Variants in ZFP36L1 observed in about 807,000 individuals in gnomAD.
ZFP36L1 encodes mRNA decay activator protein ZFP36L1.
Under a neutral mutation model 16.7 loss-of-function variants are expected in ZFP36L1, and 4 were observed. The observed-to-expected ratio is 0.24, with a 90% CI of 0.12 to 0.55. ZFP36L1 has a LOEUF of 0.55. ZFP36L1 is among the 20% of genes least tolerant of loss of function. The pLI is 0.94. For missense variants in ZFP36L1, 311 were observed against 449.2 expected (o/e 0.69, Z 2.78); for synonymous variants, 220 against 190.8 (o/e 1.15, Z -1.26).
intron 1 of ZFP36L1, among the ~76,000 whole-genome samples, chr14:68,792,311 A>C (rs575555062): frequency 6.6e-6 from 1 of 152,194 alleles, no homozygotes; most frequent in Admixed American, 6.5e-5. Flanking sequence ...AAGAAGCCCA[A>C]CGGAGCTAGG....
intron 1 of ZFP36L1, 58 bp downstream of exon 1, chr14:68,792,821 GTTC>G (rs1485012644): frequency 5.6e-6 from 9 of 1,609,768 alleles, no homozygotes; most frequent in Non-Finnish European, 6.8e-6. Flanking sequence ...ACTTTTGGGG[GTTC>G]TTTCTTAAGG....
In ZFP36L1 at chr14:68,789,746, C is replaced by A. The variant is rs202040968; in HGVS notation, c.804G>T (p.Leu268=). Residue 268 remains leucine, a synonymous_variant, in exon 2 of 2, where the codon CTG becomes CTT. Coordinates refer to ENST00000439696, the MANE Select transcript of ZFP36L1 (RefSeq NM_004926.4). This position sits in a 1 kb window ranked among gnomAD's most constrained non-coding sequence, Gnocchi z 4.5. The part of the protein sequence containing the change: ...LASLFAPSMG[L]PGGGSPTTFL... ...AGGTGGTCGGGGAGCCACCCCCGGG[C>A]AGCCCCATGCTAGGGGCAAAGAGGC... 2 of 1,614,060 alleles carry A rather than the reference C, an allele frequency of 1.2e-6. No homozygotes were observed. The highest frequency in any genetic ancestry group is 3.3e-5 in the Admixed American group (2 of 60,026).
chr14:68,790,127 G>A lies in ZFP36L1; in HGVS notation c.423C>T (p.Ile141=). The part of the protein sequence containing the change: ...YGDKCQFAHG[I]HELRSLTRHP... ...GGCGGGTCAGGCTGCGGAGCTCGTG[G>A]ATGCCGTGTGCGAACTGGCACTTGT... The change falls in exon 2 of 2, where the codon ATC becomes ATT. Residue 141 remains isoleucine (I), a synonymous_variant. Transcript: ENST00000439696. The A allele has an allele frequency of 6.2e-7, 1 of 1,611,132 alleles. No homozygotes were observed. Among genetic ancestry groups the A allele is most frequent in the Non-Finnish European group, 8.5e-7 (1 of 1,178,092 alleles).
intron 1 of ZFP36L1, among the ~76,000 whole-genome samples, chr14:68,792,523 C>A (rs529381568): frequency 6.6e-6 from 1 of 152,136 alleles, no homozygotes; most frequent in African/African-American, 2.4e-5. Context: ...GACTGGGAAC[C>A]CGATCAGACC....
In ZFP36L1 at chr14:68,788,755, A is replaced by G. The variant is rs1894979585; in HGVS notation, c.*778T>C. On this transcript the variant is annotated 3_prime_UTR_variant, in exon 2 of 2. Transcript: ENST00000439696. Reference sequence around the variant, plus strand: ...AAAAAAAGAAAAAATTAAATCACAAAGTCCCACTTAAGTCAAAATCTTCGT... The same window carrying G: ...AAAAAAAGAAAAAATTAAATCACAAGGTCCCACTTAAGTCAAAATCTTCGT... The G allele has an allele frequency of 6.5e-6, 1 of 152,690 alleles. No homozygotes were observed. The highest frequency in any genetic ancestry group is 1.5e-5 in the Non-Finnish European group (1 of 68,030). 9.5% of individuals were successfully genotyped at this position (152,690 alleles called of 1,614,324 possible).
intron 1 of ZFP36L1, chr14:68,791,138 T>C (rs1163477081): frequency 1.4e-6 from 1 of 693,084 alleles, no homozygotes; most frequent in African/African-American, 1.8e-5. Context: ...TAAAACTCTT[T>C]GCCCTAAGTT....
chr14:68,789,073 C>CGCCATGGGCAGAGGCT lies in ZFP36L1; in HGVS notation c.*444_*459dup, dbSNP rs1455940265. On this transcript the variant is annotated 3_prime_UTR_variant, in exon 2 of 2. Transcript: ENST00000439696. The surrounding 1 kb of genome is among the most constrained non-coding windows in gnomAD (Gnocchi z 4.5). ...GGCTGCTGGTTCCGGGTCTCCACCC[C>CGCCATGGGCAGAGGCT]GCCATGGGCAGAGGCTCCGGGAGGC... 5.1e-5 allele frequency: 8 copies of CGCCATGGGCAGAGGCT among 157,780 alleles called. No homozygotes were observed. The highest frequency in any genetic ancestry group is 1.9e-4 in the African/African-American group (8 of 41,608). 9.8% of individuals were successfully genotyped at this position (157,780 alleles called of 1,614,324 possible).
rs1348893651 is a variant in ZFP36L1, at chr14:68,789,199, C to G, written c.*334G>C. 1 of 285,202 alleles carries G rather than the reference C, an allele frequency of 3.5e-6. No homozygotes were observed. Among genetic ancestry groups the G allele is most frequent in the Non-Finnish European group, 6.7e-6 (1 of 149,726 alleles). 17.7% of individuals were successfully genotyped at this position (285,202 alleles called of 1,614,324 possible). ...TCTGTAAACTGTTACTGCTTTTTCT[C>G]TTGTGATTTGGCACTTAAGGCTTAA... On this transcript the variant is annotated 3_prime_UTR_variant, in exon 2 of 2. Transcript: ENST00000439696. The surrounding 1 kb of genome is among the most constrained non-coding windows in gnomAD (Gnocchi z 4.5).
upstream of ZFP36L1, among the ~76,000 whole-genome samples, chr14:68,795,134 A>G (rs2140215082): frequency 6.6e-6 from 1 of 152,254 alleles, no homozygotes; most frequent in African/African-American, 2.4e-5. Flanking sequence ...TCCTTTCCCA[A>G]GTGGGTGTTG....
intron 1 of ZFP36L1, chr14:68,790,970 C>T: frequency 1.5e-6 from 1 of 685,456 alleles, no homozygotes; most frequent in Non-Finnish European, 2.7e-6. Context: ...ATTGATACCC[C>T]CTCCTTCAAG....
In ZFP36L1 at chr14:68,789,937, C is replaced by G. The variant is rs1215355662; in HGVS notation, c.613G>C (p.Ala205Pro). Residue 205 changes from alanine (A) to proline (P), a missense_variant, in exon 2 of 2, where the codon GCT (alanine) becomes CCT (proline). This residue lies in a region of ZFP36L1 where 147 missense variants were observed against 192.0 expected (regional missense o/e 0.77). Transcript: ENST00000439696. This position sits in a 1 kb window ranked among gnomAD's most constrained non-coding sequence, Gnocchi z 4.5. ...GTGGCAGCGGCACTGGGAAACCCAG[C>G]AAAGCTAAAGCTATGCTGGAGGCGG... ...RPRLQHSFSFAGFPSAAATAA... is the reference protein window; with the variant it reads ...RPRLQHSFSFPGFPSAAATAA... 2 of 1,609,850 alleles carry G rather than the reference C, an allele frequency of 1.2e-6. No homozygotes were observed. Among genetic ancestry groups the G allele is most frequent in the Non-Finnish European group, 1.7e-6 (2 of 1,179,382 alleles).
At chr14:68,791,072 A>G (rs2140210232) in intron 1 of ZFP36L1, 1 of 701,796 alleles carries the variant, frequency 1.4e-6, no homozygotes, top group South Asian at 1.5e-5. Flanking sequence ...TCTTGTGGGG[A>G]GGAGATTGGG....
chr14:68,795,296 C>T (rs1895219379), upstream of ZFP36L1, among the ~76,000 whole-genome samples: 1 of 152,040 alleles, frequency 6.6e-6, no homozygotes, highest in Admixed American at 6.5e-5. Context: ...GGCCTCCACC[C>T]ATTCCCGCTC....
Position 68,789,850 on chromosome 14 carries a change from C to T in ZFP36L1, c.700G>A (p.Ala234Thr). 1 of 1,611,034 alleles carries T rather than the reference C, an allele frequency of 6.2e-7. No individual in the cohort carries two copies. Among genetic ancestry groups the T allele is most frequent in the Non-Finnish European group, 8.5e-7 (1 of 1,179,988 alleles). Residue 234 changes from alanine to threonine, a missense_variant, in exon 2 of 2, where the codon GCC becomes ACC. Physicochemically the swap from Ala to Thr is moderately conservative, Grantham distance 58. This residue lies in a region of ZFP36L1 where 147 missense variants were observed against 192.0 expected (regional missense o/e 0.77). Coordinates refer to ENST00000439696, the MANE Select transcript of ZFP36L1 (RefSeq NM_004926.4). This position sits in a 1 kb window ranked among gnomAD's most constrained non-coding sequence, Gnocchi z 4.5. ...TSITPPPILSADDLLGSPTLP... is the reference protein window; with the variant it reads ...TSITPPPILSTDDLLGSPTLP... ...GTAGGTGAGCCCAGGAGGTCATCGG[C>T]GCTCAGAATAGGGGGTGGGGTGATG...
upstream of ZFP36L1, chr14:68,793,118 G>T: frequency 6.8e-7 from 1 of 1,465,780 alleles, no homozygotes; most frequent in Non-Finnish European, 9.0e-7. Context: ...TGGTGGGCCG[G>T]GGGGAGGAGG....
intron 1 of ZFP36L1, 130 bp downstream of exon 1, chr14:68,792,752 C>T (rs1594718403): frequency 6.1e-6 from 8 of 1,318,178 alleles, no homozygotes; most frequent in East Asian, 2.4e-5. Context: ...GGGAGAAATG[C>T]CGGAGGAGAA....
chr14:68,793,968 T>G (rs188630020), upstream of ZFP36L1: 6 of 980,010 alleles, frequency 6.1e-6, no homozygotes, highest in East Asian at 6.8e-4. Context: ...CCGGGACGAT[T>G]GTTTGTTTTA....
chr14:68,793,328 TTTTC>T, upstream of ZFP36L1: 2 of 1,010,390 alleles, frequency 2.0e-6, no homozygotes, highest in Non-Finnish European at 2.4e-6. Flanking sequence ...TTTTTTTTTT[TTTTC>T]TTTAAGAGGA....
At chr14:68,792,734 T>C (rs923524688) in intron 1 of ZFP36L1, 148 bp downstream of exon 1, 3 of 1,217,180 alleles carry the variant, frequency 2.5e-6, no homozygotes, top group African/African-American at 1.5e-5. Flanking sequence ...CCAAATTCCT[T>C]CAAACTTGGG....
Sources: allele counts gnomAD v4.1 joint callset (sites outside exome capture counted in the v4.1 genomes callset), GRCh38; gene constraint gnomAD v4.1.1; regional missense constraint gnomAD v4.1.1; non-coding constraint Gnocchi (gnomAD v3.1); transcripts MANE v1.5; gene names NCBI Gene and HGNC (gene_info 2026-07-23, HGNC 2026-07-21).